SPMAP2L: variants seen among roughly 807,000 people sequenced by gnomAD.
SPMAP2L encodes sperm microtubule associated protein 2-like.
chr4:56,598,577 A>C, the SPMAP2L span, among the ~76,000 whole-genome samples: 2 of 152,056 alleles, frequency 1.3e-5, no homozygotes. Context: ...AGAGGCAGCC[A>C]AGCCAAGGCT....
chr4:56,581,427 C>T, the SPMAP2L span, among the ~76,000 whole-genome samples: 1 of 151,860 alleles, frequency 6.6e-6, no homozygotes, highest in South Asian at 2.1e-4. Flanking sequence ...TGCACTCCAG[C>T]CTGGGCAACA....
chr4:56,607,538 A>G, the SPMAP2L span, among the ~76,000 whole-genome samples: 1 of 152,186 alleles, frequency 6.6e-6, no homozygotes, highest in African/African-American at 2.4e-5. Context: ...ATGGACAGAG[A>G]CTGGAACAGT....
chr4:56,542,547 G>C, the SPMAP2L span, among the ~76,000 whole-genome samples: 1 of 151,112 alleles, frequency 6.6e-6, no homozygotes, highest in African/African-American at 2.4e-5. Flanking sequence ...GTTTGTCTCT[G>C]TTATTCTTCA....
At chr4:56,531,118 C>A in the SPMAP2L span, 4 of 1,535,268 alleles carry the variant, frequency 2.6e-6, no homozygotes, top group South Asian at 1.2e-5. Flanking sequence ...AATGATCTCC[C>A]CCTCTCTGAT....
At chr4:56,595,121 G>A in the SPMAP2L span, 3 of 1,611,390 alleles carry the variant, frequency 1.9e-6, no homozygotes, top group South Asian at 3.3e-5. Context: ...AAGATGATGG[G>A]AGGCAAGGGC....
the SPMAP2L span, among the ~76,000 whole-genome samples, chr4:56,547,157 C>A: frequency 6.6e-6 from 1 of 151,950 alleles, no homozygotes; most frequent in African/African-American, 2.4e-5. Flanking sequence ...TTGTAACTAC[C>A]ATTCATCTAC....
At chr4:56,567,982 T>C in the SPMAP2L span, among the ~76,000 whole-genome samples, 1 of 152,182 alleles carries the variant, frequency 6.6e-6, no homozygotes, top group Non-Finnish European at 1.5e-5. Flanking sequence ...ATCAGACTGC[T>C]TGAAGTTTTC....
the SPMAP2L span, chr4:56,603,466 A>G: frequency 0.027 from 14,421 of 529,918 alleles, 703 homozygotes; most frequent in African/African-American, 0.15. Flanking sequence ...GAAAACCACC[A>G]TGATCATTAA....
chr4:56,603,235 A>T, the SPMAP2L span: 1 of 1,534,696 alleles, frequency 6.5e-7, no homozygotes, highest in Non-Finnish European at 8.7e-7. Flanking sequence ...GTGTATTATG[A>T]TCCAGATGTC....
At chr4:56,595,626 G>A in the SPMAP2L span, 23 of 1,266,810 alleles carry the variant, frequency 1.8e-5, 1 homozygote, top group South Asian at 2.6e-4. Flanking sequence ...TGCCCGGATT[G>A]ATGACATATA....
At chr4:56,532,970 A>C in the SPMAP2L span, among the ~76,000 whole-genome samples, 1 of 152,060 alleles carries the variant, frequency 6.6e-6, no homozygotes, top group East Asian at 1.9e-4. Flanking sequence ...CCCCCTATCA[A>C]ATTTTCAGCT....
At chr4:56,592,510 G>A in the SPMAP2L span, among the ~76,000 whole-genome samples, 1 of 152,228 alleles carries the variant, frequency 6.6e-6, no homozygotes, top group Non-Finnish European at 1.5e-5. Flanking sequence ...TTCATTGCCC[G>A]CGAGCGTCCA....
chr4:56,589,738 GT>G, the SPMAP2L span, among the ~76,000 whole-genome samples: 9,588 of 146,828 alleles, frequency 0.065, 914 homozygotes, highest in African/African-American at 0.22. Flanking sequence ...GTTTTTGTGT[GT>G]GGGGGGGTTT....
At chr4:56,562,228 C>T in the SPMAP2L span, among the ~76,000 whole-genome samples, 1 of 151,938 alleles carries the variant, frequency 6.6e-6, no homozygotes, top group Non-Finnish European at 1.5e-5. Context: ...TCGGAGGGAT[C>T]AAGGAGGAGA....
the SPMAP2L span, chr4:56,594,255 A>G: frequency 1.9e-6 from 3 of 1,587,452 alleles, no homozygotes; most frequent in South Asian, 3.3e-5. Flanking sequence ...TCTGAAACAA[A>G]TATTGTCCGG....
chr4:56,593,217 C>T, the SPMAP2L span: 1 of 1,356,344 alleles, frequency 7.4e-7, no homozygotes, highest in Non-Finnish European at 1.1e-6. Context: ...TGTGACATCA[C>T]AGGCCTGGAC....
At chr4:56,615,563 A>AT in the SPMAP2L span, among the ~76,000 whole-genome samples, 4 of 152,254 alleles carry the variant, frequency 2.6e-5, no homozygotes, top group East Asian at 7.8e-4. Context: ...CCTGGTCAAC[A>AT]TGGCGAAACC....
the SPMAP2L span, among the ~76,000 whole-genome samples, chr4:56,556,260 T>C: frequency 6.6e-6 from 1 of 152,170 alleles, no homozygotes; most frequent in Non-Finnish European, 1.5e-5. Flanking sequence ...TCCTAACACA[T>C]TGGCCTTAAG....
the SPMAP2L span, among the ~76,000 whole-genome samples, chr4:56,532,897 G>A: frequency 6.6e-6 from 1 of 152,146 alleles, no homozygotes; most frequent in Non-Finnish European, 1.5e-5. Context: ...ACCATTTCCA[G>A]ACTATTTCAA....
Sources: gnomAD v4.1 joint callset for allele counts (sites outside exome capture counted in the v4.1 genomes callset) on GRCh38, gnomAD v4.1.1 for gene constraint, MANE v1.5 for transcripts, NCBI Gene and HGNC (gene_info 2026-07-23, HGNC 2026-07-21) for gene names.